Variants in SIL1 observed in about 807,000 individuals in gnomAD.
SIL1 encodes nucleotide exchange factor SIL1.
In SIL1, 40 loss-of-function variants were observed where a neutral mutation model predicts 49.1. The observed-to-expected ratio is 0.81, with a 90% CI of 0.63 to 1.06. SIL1 has a LOEUF of 1.06. Among genes scored for constraint, SIL1 ranks in the 50% least tolerant of loss-of-function variants. The pLI, the probability that SIL1 is intolerant of heterozygous loss-of-function variation, is 0.00. For synonymous variants in SIL1, 253 were observed against 250.8 expected (o/e 1.01, Z -0.08); for missense variants, 500 against 572.6 (o/e 0.87, Z 1.29).
intron 1 of SIL1, among the ~76,000 whole-genome samples, chr5:139,142,621 C>T (rs1751103328): frequency 1.3e-5 from 2 of 151,964 alleles, no homozygotes; most frequent in Non-Finnish European, 2.9e-5. Context: ...CCAATAAACC[C>T]GGAATAGAAA....
chr5:139,053,623 C>T (rs1281393071), intron 3 of SIL1, among the ~76,000 whole-genome samples: 1 of 152,208 alleles, frequency 6.6e-6, no homozygotes, highest in African/African-American at 2.4e-5. Context: ...TTGTCCACTC[C>T]TCATTCCTGT....
intron 5 of SIL1, among the ~76,000 whole-genome samples, chr5:139,031,067 T>C (rs553792253): frequency 1.3e-5 from 2 of 152,304 alleles, no homozygotes; most frequent in South Asian, 2.1e-4. Context: ...CTTCCAGTAG[T>C]TTATCTTCTG....
chr5:139,116,896 G>A (rs1220163952), intron 3 of SIL1, among the ~76,000 whole-genome samples: 3 of 152,168 alleles, frequency 2.0e-5, no homozygotes, highest in East Asian at 1.9e-4. Context: ...TCATCTCTGC[G>A]AAGTAGGTAT....
At chr5:139,180,058 T>TAA (rs33982607) in intron 1 of SIL1, among the ~76,000 whole-genome samples, 44,188 of 121,738 alleles carry the variant, frequency 0.36, 9,512 homozygotes, top group South Asian at 0.5. Flanking sequence ...CCTGTCTCTT[T>TAA]AAAAAAAAAA....
intron 7 of SIL1, among the ~76,000 whole-genome samples, chr5:139,000,863 G>A (rs1767967505): frequency 6.6e-6 from 1 of 151,478 alleles, no homozygotes; most frequent in Non-Finnish European, 1.5e-5. Context: ...TATAATTCAT[G>A]AAAATACATA....
intron 1 of SIL1, among the ~76,000 whole-genome samples, chr5:139,178,008 AG>A (rs1416474705): frequency 2.6e-5 from 4 of 152,216 alleles, no homozygotes; most frequent in Admixed American, 2.0e-4. Context: ...CAGCCAAGAG[AG>A]GGATGGTGAC....
chr5:139,155,477 G>GAGAGAGAGAGAGAGA (rs765537884), intron 1 of SIL1: 2 of 151,556 alleles, frequency 1.3e-5, no homozygotes, highest in Admixed American at 6.6e-5. Flanking sequence ...GAGAGAGAGA[G>GAGAGAGAGAGAGAGA]AACGAGCTCT....
rs185010345 is a variant in SIL1, at chr5:139,160,971, C to T, written c.-10-33118G>A. Among the ~76,000 whole-genome samples the T allele has an allele frequency of 4.2e-3, 634 of 151,638 alleles. 7 individuals carry two copies. The highest frequency in any genetic ancestry group is 0.014 in the Middle Eastern group (4 of 286). Reference sequence around the variant, plus strand: ...AGTAACAAGAATAACAGGCTGGGCGCGGTGGCTCATGCCTGTAATCCCAGC... The same window carrying T: ...AGTAACAAGAATAACAGGCTGGGCGTGGTGGCTCATGCCTGTAATCCCAGC... On this transcript the variant is annotated intron_variant, in intron 1 of 9. Transcript: ENST00000394817.
intron 1 of SIL1, among the ~76,000 whole-genome samples, chr5:139,149,867 C>G (rs1751263177): frequency 6.6e-6 from 1 of 152,160 alleles, no homozygotes; most frequent in African/African-American, 2.4e-5. Context: ...TACAAGACCT[C>G]CTTGCCAGAC....
intron 3 of SIL1, among the ~76,000 whole-genome samples, chr5:139,057,314 T>TTAAAAAAATAAAAAAAA (rs781049621): frequency 1.4e-5 from 1 of 73,392 alleles, no homozygotes; most frequent in South Asian, 4.4e-4. Flanking sequence ...GAATGATCAA[T>TTAAAAAAATAAAAAAAA]AAAAAAAAAA....
intron 3 of SIL1, among the ~76,000 whole-genome samples, chr5:139,096,715 A>C (rs1199445354): frequency 6.6e-6 from 1 of 152,018 alleles, no homozygotes; most frequent in African/African-American, 2.4e-5. Context: ...CCAAAAGGGA[A>C]CTTGCTGCCT....
intron 3 of SIL1, among the ~76,000 whole-genome samples, chr5:139,098,244 A>G (rs1318913483): frequency 6.6e-6 from 1 of 152,228 alleles, no homozygotes; most frequent in Admixed American, 6.5e-5. Flanking sequence ...ATAAAAACAG[A>G]CACATATGCC....
chr5:139,051,091 G>C (rs1769274801), intron 3 of SIL1, 45 bp from the exon 4 acceptor site: 1 of 1,588,278 alleles, frequency 6.3e-7, no homozygotes. Context: ...CAAGGTCTTT[G>C]GAAGGCTGTC....
intron 3 of SIL1, among the ~76,000 whole-genome samples, chr5:139,080,073 G>C (rs1770039174): frequency 6.6e-6 from 1 of 151,894 alleles, no homozygotes. Flanking sequence ...GGGGGTGGGG[G>C]GTGGCACATA....
chr5:138,964,332 G>A (rs77340503), intron 7 of SIL1, among the ~76,000 whole-genome samples: 1,726 of 152,268 alleles, frequency 0.011, 26 homozygotes, highest in African/African-American at 0.029. Context: ...CGACAGAGAC[G>A]CGCAGAGAGC....
At chr5:139,011,829 A>G (rs150620050) in intron 7 of SIL1, among the ~76,000 whole-genome samples, 1,930 of 152,246 alleles carry the variant, frequency 0.013, 35 homozygotes, top group African/African-American at 0.043. Context: ...TAACCCAGAA[A>G]TTCTGCCAAT....
At chr5:139,163,361 G>GC (rs1554136649) in intron 1 of SIL1, among the ~76,000 whole-genome samples, 57 of 147,966 alleles carry the variant, frequency 3.9e-4, no homozygotes, top group Non-Finnish European at 3.8e-4. Context: ...TCACTGTTTT[G>GC]TTTTTTTTTC....
chr5:138,999,153 G>A (rs1388280101), intron 7 of SIL1, among the ~76,000 whole-genome samples: 3 of 152,034 alleles, frequency 2.0e-5, no homozygotes, highest in South Asian at 2.1e-4. Flanking sequence ...CACCATGCCC[G>A]GCCGAGGATT....
chr5:138,977,611 G>C (rs1408213960), intron 7 of SIL1, among the ~76,000 whole-genome samples: 2 of 152,132 alleles, frequency 1.3e-5, no homozygotes, highest in Non-Finnish European at 2.9e-5. Context: ...AAAGTGCTGG[G>C]ATTACAGGTG....
Sources: gnomAD v4.1 joint callset for allele counts (sites outside exome capture counted in the v4.1 genomes callset) on GRCh38, gnomAD v4.1.1 for gene constraint, MANE v1.5 for transcripts, NCBI Gene and HGNC (gene_info 2026-07-23, HGNC 2026-07-21) for gene names.